Variants in FRMD6 observed in about 807,000 individuals in gnomAD.
FRMD6 encodes FERM domain-containing protein 6.
Under a neutral mutation model 73.2 loss-of-function variants are expected in FRMD6, and 37 were observed. That is an observed-to-expected ratio of 0.51 (90% CI 0.39 to 0.66). The LOEUF (loss-of-function observed/expected upper bound fraction) is 0.66, where lower values mean the gene tolerates loss of function less well. Among genes scored for constraint, FRMD6 ranks in the 30% least tolerant of loss-of-function variants. FRMD6 has a pLI of 0.00. For synonymous variants in FRMD6, 273 were observed against 282.2 expected, an observed-to-expected ratio of 0.97 and a Z score of 0.33; for missense variants, 714 against 780.5, an observed-to-expected ratio of 0.91 and a Z score of 1.02.
intron 1 of FRMD6, among the ~76,000 whole-genome samples, chr14:51,509,359 T>TA (rs892252127): frequency 4.0e-5 from 6 of 151,740 alleles, no homozygotes; most frequent in East Asian, 2.0e-4. Context: ...CCATCTGTAC[T>TA]AAAAAAATAC....
chr14:51,634,042 C>T (rs554664147), intron 2 of FRMD6, among the ~76,000 whole-genome samples: 54 of 152,288 alleles, frequency 3.5e-4, no homozygotes, highest in African/African-American at 9.6e-4. Context: ...AGCAGATCAA[C>T]GACATGATTA....
chr14:51,540,705 C>T, intron 1 of FRMD6, among the ~76,000 whole-genome samples: 1 of 97,614 alleles, frequency 1.0e-5, no homozygotes, highest in East Asian at 3.0e-4. Context: ...ATTTATAGTA[C>T]TTAATTTTTA....
At chr14:51,525,018 G>A (rs1885153203) in intron 1 of FRMD6, among the ~76,000 whole-genome samples, 1 of 147,502 alleles carries the variant, frequency 6.8e-6, no homozygotes, top group African/African-American at 2.5e-5. Context: ...TGTTGGGTGG[G>A]TGGGTGGGTG....
chr14:51,528,134 G>A (rs1000897391), intron 1 of FRMD6, among the ~76,000 whole-genome samples: 4 of 151,966 alleles, frequency 2.6e-5, no homozygotes, highest in African/African-American at 9.7e-5. Context: ...AGAGCAAGAC[G>A]CTGTCTCAAA....
the FRMD6 span, among the ~76,000 whole-genome samples, chr14:51,396,658 T>G: frequency 6.6e-6 from 1 of 152,210 alleles, no homozygotes; most frequent in Non-Finnish European, 1.5e-5. Context: ...CAGATTAACA[T>G]TCCTGCTCAT....
chr14:51,555,304 G>A (rs1476917695), intron 1 of FRMD6, among the ~76,000 whole-genome samples: 2 of 152,186 alleles, frequency 1.3e-5, no homozygotes, highest in Non-Finnish European at 2.9e-5. Context: ...ATAGCAGTTA[G>A]TTCACATTGT....
chr14:51,557,349 G>A (rs548925824), intron 1 of FRMD6, among the ~76,000 whole-genome samples: 5 of 151,990 alleles, frequency 3.3e-5, no homozygotes, highest in African/African-American at 1.2e-4. Flanking sequence ...TCAATGACAT[G>A]GATGAACCTG....
At chr14:51,463,524 G>A in the FRMD6 span, among the ~76,000 whole-genome samples, 1 of 152,310 alleles carries the variant, frequency 6.6e-6, no homozygotes, top group South Asian at 2.1e-4. Context: ...AATATGGAGG[G>A]CCAATTGTAA....
intron 2 of FRMD6, among the ~76,000 whole-genome samples, chr14:51,697,113 C>T (rs1895999779): frequency 6.6e-6 from 1 of 152,064 alleles, no homozygotes; most frequent in African/African-American, 2.4e-5. Flanking sequence ...GGGGGTTCCT[C>T]AAAATATTAA....
intron 1 of FRMD6, among the ~76,000 whole-genome samples, chr14:51,683,891 G>T (rs1346682729): frequency 6.6e-6 from 1 of 152,054 alleles, no homozygotes; most frequent in Non-Finnish European, 1.5e-5. Context: ...CATATCAAAG[G>T]CGATCTTAGC....
intron 1 of FRMD6, among the ~76,000 whole-genome samples, chr14:51,568,746 G>C (rs958522181): frequency 2.6e-5 from 4 of 152,132 alleles, no homozygotes; most frequent in African/African-American, 9.7e-5. Context: ...CTGTGGTGAA[G>C]GGACCAGCTC....
chr14:51,467,392 G>C, the FRMD6 span, among the ~76,000 whole-genome samples: 1 of 152,178 alleles, frequency 6.6e-6, no homozygotes, highest in Non-Finnish European at 1.5e-5. Flanking sequence ...GCAACAATCC[G>C]ATCTCTCTTT....
chr14:51,696,751 C>CAAA (rs34528270), intron 2 of FRMD6, among the ~76,000 whole-genome samples: 5 of 125,558 alleles, frequency 4.0e-5, no homozygotes, highest in Non-Finnish European at 5.1e-5. Context: ...CCTGTCTCTA[C>CAAA]AAAAAAAAAA....
At chr14:51,628,877 C>CTTTTTTTTTTTTTTTT (rs371915919) in intron 2 of FRMD6, among the ~76,000 whole-genome samples, 2 of 95,304 alleles carry the variant, frequency 2.1e-5, no homozygotes, top group African/African-American at 4.1e-5. Flanking sequence ...CTTTTCTTTT[C>CTTTTTTTTTTTTTTTT]TTTTTTTTTT....
In FRMD6 at chr14:51,730,585, A is replaced by C. The variant is rs1296773753; in HGVS notation, c.*2556A>C. On this transcript the variant is annotated 3_prime_UTR_variant, in exon 14 of 14. Coordinates refer to ENST00000344768, the MANE Select transcript of FRMD6 (RefSeq NM_001267046.2). ...GAGCTTTATATCTACATAAACTGTA[A>C]ATAATCCTTTCTGTGAAAGGATCAT... 1 of 152,584 alleles carries C rather than the reference A, an allele frequency of 6.6e-6. No homozygotes were observed. Among genetic ancestry groups the C allele is most frequent in the Non-Finnish European group, 1.5e-5 (1 of 68,018 alleles). 9.5% of individuals were successfully genotyped at this position (152,584 alleles called of 1,614,324 possible). A position where few individuals can be genotyped will look rare whatever the true frequency, so the allele number is the denominator to read the frequency against.
At chr14:51,596,135 A>G (rs1291506489) in intron 2 of FRMD6, among the ~76,000 whole-genome samples, 2 of 152,306 alleles carry the variant, frequency 1.3e-5, no homozygotes, top group East Asian at 3.9e-4. Context: ...CCTGGGACTG[A>G]GTGACCTATT....
chr14:51,644,841 A>AT (rs2140048582), intron 2 of FRMD6, among the ~76,000 whole-genome samples: 1 of 152,330 alleles, frequency 6.6e-6, no homozygotes, highest in East Asian at 1.9e-4. Flanking sequence ...AATATATAAA[A>AT]ATGTTTTTAC....
chr14:51,727,332 CTT>C (rs1026887693), intron 13 of FRMD6, among the ~76,000 whole-genome samples: 3 of 151,250 alleles, frequency 2.0e-5, no homozygotes, highest in African/African-American at 7.3e-5. Flanking sequence ...GAAGCCATGT[CTT>C]TACCTATATG....
the FRMD6 span, among the ~76,000 whole-genome samples, chr14:51,441,539 G>A: frequency 2.6e-5 from 4 of 152,086 alleles, no homozygotes; most frequent in Non-Finnish European, 5.9e-5. Flanking sequence ...ATGTCTTTTG[G>A]GAGGGGAATT....
Sources: allele counts gnomAD v4.1 joint callset (sites outside exome capture counted in the v4.1 genomes callset), GRCh38; gene constraint gnomAD v4.1.1; transcripts MANE v1.5; gene names NCBI Gene and HGNC (gene_info 2026-07-23, HGNC 2026-07-21).